NKAIN3: variants seen among roughly 807,000 people sequenced by gnomAD.
NKAIN3 encodes sodium/potassium transporting ATPase interacting 3.
NKAIN3 carries 25 observed loss-of-function variants against 30.2 expected under a neutral mutation model. That is an observed-to-expected ratio of 0.83 (90% CI 0.60 to 1.16). The LOEUF (loss-of-function observed/expected upper bound fraction) is 1.16, where lower values mean the gene tolerates loss of function less well. Among genes scored for constraint, NKAIN3 ranks in the 50% most tolerant of loss-of-function variants. The pLI, the probability that NKAIN3 is intolerant of heterozygous loss-of-function variation, is 0.00. For missense variants in NKAIN3, 225 were observed against 254.1 expected (o/e 0.89, Z 0.78); for synonymous variants, 91 against 89.6 (o/e 1.02, Z -0.09).
intron 1 of NKAIN3, among the ~76,000 whole-genome samples, chr8:62,428,041 A>G (rs143072061): frequency 9.9e-5 from 15 of 151,894 alleles, no homozygotes; most frequent in East Asian, 5.8e-4. Flanking sequence ...TCTATTAACT[A>G]TCTCCAGGAG....
rs1815025034 is a variant in NKAIN3, at chr8:62,719,749, CTTTCTTTT to C, written c.274-27179_274-27172del. The stretch of plus-strand genomic sequence containing the variant: ...ATCTTCTGCATACATTTATACATTT[CTTTCTTTT>C]TTTTTTTTTTTTTTTTTGAGACGGA... On this transcript the variant is annotated intron_variant, in intron 3 of 6. Coordinates refer to ENST00000623646, the MANE Select transcript of NKAIN3 (RefSeq NM_001304533.3). 3.3e-5 allele frequency among the ~76,000 whole-genome samples: 4 copies of C among 122,380 alleles called. No homozygotes were observed. In the South Asian group the frequency reaches 1.1e-3, roughly 33 times the overall value. The allele number at this position is 122,380 out of a possible 152,430, so 80.3% of individuals were successfully genotyped here.
chr8:62,976,460 AT>A lies in NKAIN3; in HGVS notation c.*11058del, dbSNP rs1305174911. Reference sequence around the variant, plus strand: ...GTAATGGCCTTCTGTGTCTGTTTTGATTTTTGTTGGCTTAAAGTCTGTTTTA... The same window carrying A: ...GTAATGGCCTTCTGTGTCTGTTTTGATTTTGTTGGCTTAAAGTCTGTTTTA... On this transcript the variant is annotated 3_prime_UTR_variant, in exon 7 of 7. Coordinates refer to ENST00000623646, the MANE Select transcript of NKAIN3 (RefSeq NM_001304533.3). Among the ~76,000 whole-genome samples the A allele has an allele frequency of 1.3e-5, 2 of 151,648 alleles. No homozygotes were observed. The highest frequency in any genetic ancestry group is 2.4e-5 in the African/African-American group (1 of 41,222).
intron 3 of NKAIN3, among the ~76,000 whole-genome samples, chr8:62,646,571 T>C (rs993302925): frequency 6.6e-6 from 1 of 152,196 alleles, no homozygotes; most frequent in African/African-American, 2.4e-5. Context: ...AATAAACCAC[T>C]GTATTTATCC....
At chr8:62,908,165 G>A (rs944925949) in intron 4 of NKAIN3, among the ~76,000 whole-genome samples, 2 of 152,162 alleles carry the variant, frequency 1.3e-5, no homozygotes, top group African/African-American at 2.4e-5. Context: ...TTACTGCCCT[G>A]CTGGATTTTG....
At chr8:62,856,568 G>T in intron 4 of NKAIN3, 1 of 784,012 alleles carries the variant, frequency 1.3e-6, no homozygotes. Flanking sequence ...TCATTGCCAT[G>T]GGGTTGTCTT....
rs943658125 is a variant in NKAIN3 at position 62,629,825 on chromosome 8, G to A, written c.273+40031G>A. 3.7e-4 allele frequency among the ~76,000 whole-genome samples: 56 copies of A among 152,190 alleles called. 1 individual carries two copies. The highest frequency in any genetic ancestry group is 1.3e-3 in the African/African-American group (55 of 41,546). ...ATTTGTTTCTTTTCATTAAGCATAT[G>A]AATTTATAAACCTTATATATGGATC... On this transcript the variant is annotated intron_variant, in intron 3 of 6. Coordinates refer to ENST00000623646, the MANE Select transcript of NKAIN3 (RefSeq NM_001304533.3).
intron 3 of NKAIN3, among the ~76,000 whole-genome samples, chr8:62,642,648 T>C (rs899598376): frequency 7.9e-5 from 12 of 152,258 alleles, no homozygotes; most frequent in African/African-American, 2.4e-4. Context: ...ATTCACACCT[T>C]AATAATTTAT....
At chr8:62,780,310 A>G (rs1246328770) in intron 4 of NKAIN3, among the ~76,000 whole-genome samples, 1 of 152,134 alleles carries the variant, frequency 6.6e-6, no homozygotes, top group Non-Finnish European at 1.5e-5. Flanking sequence ...ATGTCTCCCA[A>G]CAAAGAAAAG....
chr8:62,376,819 A>G (rs1817098057), intron 1 of NKAIN3, among the ~76,000 whole-genome samples: 1 of 152,186 alleles, frequency 6.6e-6, no homozygotes, highest in Admixed American at 6.5e-5. Context: ...AAATATAAAA[A>G]AAACTTTTCT....
chr8:62,943,324 CA>C (rs1450955743), intron 5 of NKAIN3, among the ~76,000 whole-genome samples: 1 of 150,222 alleles, frequency 6.7e-6, no homozygotes, highest in Non-Finnish European at 1.5e-5. Context: ...AAATGCAAAT[CA>C]AAACTACAAT....
intron 1 of NKAIN3, among the ~76,000 whole-genome samples, chr8:62,310,483 C>A (rs1042531973): frequency 1.3e-5 from 2 of 150,572 alleles, no homozygotes; most frequent in Non-Finnish European, 2.9e-5. Flanking sequence ...GTATTTAGAA[C>A]GTAATGTGTA....
At chr8:62,330,921 C>T (rs1006469399) in intron 1 of NKAIN3, among the ~76,000 whole-genome samples, 2 of 151,936 alleles carry the variant, frequency 1.3e-5, no homozygotes, top group Non-Finnish European at 2.9e-5. Flanking sequence ...GTTCTTCTGC[C>T]ACTGTGGACA....
At chr8:62,794,488 C>A (rs1264133859) in intron 4 of NKAIN3, among the ~76,000 whole-genome samples, 1 of 152,018 alleles carries the variant, frequency 6.6e-6, no homozygotes, top group Non-Finnish European at 1.5e-5. Context: ...AAAATCTATA[C>A]CCACCCCCCC....
intron 4 of NKAIN3, among the ~76,000 whole-genome samples, chr8:62,845,285 T>TTTTATATATATATA (rs1554583723): frequency 8.7e-5 from 6 of 68,930 alleles, no homozygotes; most frequent in Non-Finnish European, 1.5e-4. Flanking sequence ...GGATAGTAGA[T>TTTTATATATATATA]TATATATATA....
At chr8:62,500,512 A>G (rs960848380) in intron 1 of NKAIN3, among the ~76,000 whole-genome samples, 238 of 145,366 alleles carry the variant, frequency 1.6e-3, no homozygotes, top group Non-Finnish European at 2.1e-3. Context: ...AAAGAAGGAA[A>G]GAAAGAAAGA....
intron 1 of NKAIN3, among the ~76,000 whole-genome samples, chr8:62,390,895 T>C (rs1817567342): frequency 6.6e-6 from 1 of 152,184 alleles, no homozygotes; most frequent in Non-Finnish European, 1.5e-5. Context: ...GACTGTTTGC[T>C]TTTCTTCTTG....
intron 3 of NKAIN3, among the ~76,000 whole-genome samples, chr8:62,713,161 A>G (rs1226636061): frequency 6.6e-6 from 1 of 152,180 alleles, no homozygotes; most frequent in Non-Finnish European, 1.5e-5. Context: ...CTGAGGTCTG[A>G]GTAAGGAGCA....
chr8:62,603,211 A>G lies in NKAIN3; in HGVS notation c.273+13417A>G, dbSNP rs552348211. Reference sequence around the variant, plus strand: ...AAAATCTTAGTGTTGTGACATGTCAATTAAGAGTACAGTCTTGATGATGAA... The same window carrying G: ...AAAATCTTAGTGTTGTGACATGTCAGTTAAGAGTACAGTCTTGATGATGAA... On this transcript the variant is annotated intron_variant, in intron 3 of 6. Coordinates refer to ENST00000623646, the MANE Select transcript of NKAIN3 (RefSeq NM_001304533.3). Among the ~76,000 whole-genome samples, 10 of 152,280 alleles carry G rather than the reference A, an allele frequency of 6.6e-5. No individual in the cohort carries two copies. The South Asian group carries it at 2.1e-3, about 32-fold the overall frequency.
At chr8:62,621,273 G>A (rs1482321114) in intron 3 of NKAIN3, among the ~76,000 whole-genome samples, 2 of 152,084 alleles carry the variant, frequency 1.3e-5, no homozygotes, top group African/African-American at 4.8e-5. Context: ...ACTAGGAAAA[G>A]TGTGAAGTTT....
Sources: allele counts gnomAD v4.1 joint callset (sites outside exome capture counted in the v4.1 genomes callset), GRCh38; gene constraint gnomAD v4.1.1; transcripts MANE v1.5; gene names NCBI Gene and HGNC (gene_info 2026-07-23, HGNC 2026-07-21).